THAP5: variants seen among roughly 807,000 people sequenced by gnomAD.
THAP5 encodes the protein THAP domain containing 5.
THAP5 carries 26 observed loss-of-function variants against 34.0 expected under a neutral mutation model. The observed-to-expected ratio is 0.77, with a 90% CI of 0.56 to 1.06. The LOEUF is 1.06. THAP5 is among the 50% of genes least tolerant of loss of function. The pLI, the probability that THAP5 is intolerant of heterozygous loss-of-function variation, is 0.00. For synonymous variants in THAP5, 125 were observed against 153.0 expected (o/e 0.82, Z 1.35); for missense variants, 394 against 452.8 (o/e 0.87, Z 1.18).
At chr7:108,559,816 G>A (rs1864413694), downstream of THAP5, among the ~76,000 whole-genome samples, 1 of 152,062 alleles carries the variant, frequency 6.6e-6, no homozygotes, top group Non-Finnish European at 1.5e-5. Flanking sequence ...CAGATCTCAT[G>A]AGAACTCATG....
downstream of THAP5, among the ~76,000 whole-genome samples, chr7:108,560,101 T>C (rs899568640): frequency 6.6e-6 from 1 of 152,238 alleles, no homozygotes; most frequent in African/African-American, 2.4e-5. Flanking sequence ...GCTTTAAACC[T>C]ACTCTCTTAT....
downstream of THAP5, among the ~76,000 whole-genome samples, chr7:108,551,888 G>A (rs568526548): frequency 2.0e-5 from 3 of 152,260 alleles, no homozygotes; most frequent in South Asian, 4.1e-4. Flanking sequence ...GTTGCAGAGT[G>A]GCTTAGCTGG....
chr7:108,569,198 G>A, intron 1 of THAP5: 3 of 1,307,354 alleles, frequency 2.3e-6, no homozygotes, highest in African/African-American at 1.5e-5. Flanking sequence ...ATGAGATCAC[G>A]TGAAGTGGGG....
chr7:108,548,766 G>A, the THAP5 span, among the ~76,000 whole-genome samples: 4 of 152,122 alleles, frequency 2.6e-5, no homozygotes, highest in Non-Finnish European at 4.4e-5. Context: ...CATGAGAACA[G>A]CGCAGAAAAG....
intron 1 of THAP5, chr7:108,554,917 C>A (rs1864376017): frequency 6.6e-6 from 1 of 152,094 alleles, no homozygotes; most frequent in African/African-American, 2.4e-5. Flanking sequence ...ACTGAATATT[C>A]CAGATTTCAA....
At position 108,564,347 on chromosome 7, in the gene THAP5, C is replaced by T. The variant is rs766958276; in HGVS notation, c.1032G>A (p.Lys344=). The change falls in exon 3 of 3, where the codon AAG becomes AAA. Residue 344 remains lysine (K), a synonymous_variant. Coordinates refer to ENST00000415914, the MANE Select transcript of THAP5 (RefSeq NM_001130475.3). ...GCTCTTTTAACTCTAGAAGAGTTATCTTTGAATGTAGCTTAGAGACTTTCT... is the reference window on the plus strand; with the variant it reads ...GCTCTTTTAACTCTAGAAGAGTTATTTTTGAATGTAGCTTAGAGACTTTCT... ...LWQKVSKLHS[K]ITLLELKEQQ... is the part of the protein sequence containing the mutation. 87 of 1,613,822 alleles carry T rather than the reference C, an allele frequency of 5.4e-5. No individual in the cohort carries two copies. In the Middle Eastern group the frequency reaches 2.6e-3, roughly 49 times the overall value.
At chr7:108,556,386 T>TA (rs1441723989) in intron 1 of THAP5, among the ~76,000 whole-genome samples, 1 of 152,162 alleles carries the variant, frequency 6.6e-6, no homozygotes, top group Non-Finnish European at 1.5e-5. Flanking sequence ...TATGAGTCTG[T>TA]AAAAATGAAT....
Position 108,565,907 on chromosome 7 carries a change from G to A in THAP5, c.196C>T (p.Leu66Phe). ...LCSDHFTPDS[L>F]DIRWGIRYLK... ...TATCGAATACCCCATCTGATGTCAA[G>A]AGAGTCAGGAGTAAAATGGTCACTA... Residue 66 changes from leucine (L) to phenylalanine (F), a missense_variant, in exon 2 of 3, where the codon CTT becomes TTT. By Grantham distance (22) the Leu-to-Phe change is conservative (BLOSUM62 0). Transcript: ENST00000415914. The A allele has an allele frequency of 6.5e-7, 1 of 1,550,206 alleles. No individual in the cohort carries two copies. The highest frequency in any genetic ancestry group is 8.7e-7 in the Non-Finnish European group (1 of 1,146,794).
downstream of THAP5, among the ~76,000 whole-genome samples, chr7:108,553,963 A>G (rs1864369871): frequency 6.6e-6 from 1 of 152,196 alleles, no homozygotes; most frequent in African/African-American, 2.4e-5. Context: ...GTGTCCTTCA[A>G]AGAGCATGTA....
At position 108,563,314 on chromosome 7, in the gene THAP5, G is replaced by C. The variant is rs1256570780; in HGVS notation, c.*877C>G. 1.3e-5 allele frequency: 2 copies of C among 152,136 alleles called. No homozygotes were observed. Among genetic ancestry groups the C allele is most frequent in the Non-Finnish European group, 2.9e-5 (2 of 68,062 alleles). The allele number at this position is 152,136 out of a possible 1,614,324, so 9.4% of individuals were successfully genotyped here. Reference sequence around the variant, plus strand: ...GCACTTTGGGAGGCCAAGGTAGGTGGATCACCTGGGGTCAGGAGTTCGAGG... The same window carrying C: ...GCACTTTGGGAGGCCAAGGTAGGTGCATCACCTGGGGTCAGGAGTTCGAGG... On this transcript the variant is annotated 3_prime_UTR_variant, in exon 3 of 3. Transcript: ENST00000415914.
chr7:108,544,797 A>G, the THAP5 span, among the ~76,000 whole-genome samples: 2 of 152,010 alleles, frequency 1.3e-5, no homozygotes, highest in Non-Finnish European at 2.9e-5. Context: ...AACTGGGGCT[A>G]CAGGGGCACA....
chr7:108,543,466 T>G, the THAP5 span, among the ~76,000 whole-genome samples: 3 of 152,286 alleles, frequency 2.0e-5, no homozygotes, highest in East Asian at 5.8e-4. Flanking sequence ...TATCTCTTGA[T>G]GGAGTAAGGC....
At chr7:108,557,273 C>G (rs915154512), downstream of THAP5, among the ~76,000 whole-genome samples, 2 of 152,222 alleles carry the variant, frequency 1.3e-5, no homozygotes, top group Non-Finnish European at 2.9e-5. Flanking sequence ...ATTTCTGCAG[C>G]CTTTTATTCC....
the THAP5 span, among the ~76,000 whole-genome samples, chr7:108,543,084 G>A: frequency 3.3e-5 from 5 of 151,782 alleles, no homozygotes; most frequent in African/African-American, 9.7e-5. Flanking sequence ...CTGTCACCAC[G>A]CCCGGCTAAT....
chr7:108,545,849 T>C, the THAP5 span, among the ~76,000 whole-genome samples: 2 of 152,194 alleles, frequency 1.3e-5, no homozygotes, highest in Non-Finnish European at 2.9e-5. Context: ...ATGTGTATTT[T>C]TAACCATCTT....
At chr7:108,566,933 A>T (rs181347142) in intron 1 of THAP5, among the ~76,000 whole-genome samples, 106 of 152,312 alleles carry the variant, frequency 7.0e-4, no homozygotes, top group African/African-American at 2.4e-3. Context: ...TACTTTTCCA[A>T]GAACAGAGTC....
chr7:108,556,988 C>T (rs1290333277), intron 1 of THAP5, among the ~76,000 whole-genome samples: 1 of 152,272 alleles, frequency 6.6e-6, no homozygotes, highest in East Asian at 1.9e-4. Flanking sequence ...ACAGTCCCAA[C>T]ACCACATGGA....
chr7:108,548,210 A>G, the THAP5 span, among the ~76,000 whole-genome samples: 2 of 152,214 alleles, frequency 1.3e-5, no homozygotes, highest in African/African-American at 4.8e-5. Context: ...TTATATGCTG[A>G]CTGTCTCAAT....
At chr7:108,565,204 C>A (rs1437040486) in intron 2 of THAP5, 99 bp from the exon 3 acceptor site, 7 of 936,290 alleles carry the variant, frequency 7.5e-6, no homozygotes, top group South Asian at 2.2e-5. Flanking sequence ...ACTGGCCAAG[C>A]AAATTTATTT....
Sources: gnomAD v4.1 joint callset for allele counts (sites outside exome capture counted in the v4.1 genomes callset) on GRCh38, gnomAD v4.1.1 for gene constraint, MANE v1.5 for transcripts, NCBI Gene and HGNC (gene_info 2026-07-23, HGNC 2026-07-21) for gene names.